The following FAM13A variants were observed in gnomAD, a reference collection of about 807,000 sequenced individuals.
The protein encoded by FAM13A is protein FAM13A.
FAM13A carries 76 observed loss-of-function variants against 129.6 expected under a neutral mutation model. The ratio of observed to expected loss-of-function variants is 0.59; its 90% CI spans 0.49 to 0.71. The LOEUF (loss-of-function observed/expected upper bound fraction) is 0.71, where lower values mean the gene tolerates loss of function less well. FAM13A is among the 30% of genes least tolerant of loss of function. The pLI, the probability that FAM13A is intolerant of heterozygous loss-of-function variation, is 0.00. For synonymous variants in FAM13A, 443 were observed against 449.9 expected (o/e 0.98, Z 0.20); for missense variants, 1,108 against 1,249.3 (o/e 0.89, Z 1.70).
At chr4:88,731,972 C>T in intron 22 of FAM13A, 30 bp downstream of exon 22, 1 of 1,554,776 alleles carries the variant, frequency 6.4e-7, no homozygotes, top group South Asian at 1.2e-5. Context: ...TTTACCAAAA[C>T]ATTTCACCAC....
intron 6 of FAM13A, among the ~76,000 whole-genome samples, chr4:88,873,090 A>G (rs999371854): frequency 2.6e-5 from 4 of 152,234 alleles, no homozygotes; most frequent in South Asian, 2.1e-4. Context: ...TTTGAAACCA[A>G]TGAGAACAAA....
intron 6 of FAM13A, among the ~76,000 whole-genome samples, chr4:88,866,503 A>G (rs1199637492): frequency 6.6e-6 from 1 of 152,136 alleles, no homozygotes; most frequent in Non-Finnish European, 1.5e-5. Context: ...TTTTGCAATC[A>G]TCAAAGGGCC....
At chr4:88,913,333 A>G (rs533486242) in intron 5 of FAM13A, among the ~76,000 whole-genome samples, 1 of 145,628 alleles carries the variant, frequency 6.9e-6, no homozygotes, top group African/African-American at 2.5e-5. Context: ...AGGAGGAAGA[A>G]GAAGAAGAGG....
At chr4:88,791,953 A>G (rs1432016986) in intron 8 of FAM13A, among the ~76,000 whole-genome samples, 3 of 152,084 alleles carry the variant, frequency 2.0e-5, no homozygotes, top group African/African-American at 7.2e-5. Flanking sequence ...TCTTTCGCCC[A>G]AGATAATTTT....
intron 4 of FAM13A, among the ~76,000 whole-genome samples, chr4:88,944,706 C>T (rs1560474237): frequency 6.6e-6 from 1 of 151,900 alleles, no homozygotes; most frequent in Non-Finnish European, 1.5e-5. Flanking sequence ...GTTCGAGACC[C>T]ACCTGGCCAA....
At chr4:88,881,874 A>G (rs377565269) in intron 6 of FAM13A, among the ~76,000 whole-genome samples, 20 of 152,202 alleles carry the variant, frequency 1.3e-4, no homozygotes, top group Admixed American at 1.1e-3. Context: ...AGGTAGAAGA[A>G]GGAATTTCAG....
intron 7 of FAM13A, among the ~76,000 whole-genome samples, chr4:88,848,822 TTTAG>T (rs1737102164): frequency 6.6e-6 from 1 of 152,178 alleles, no homozygotes; most frequent in African/African-American, 2.4e-5. Flanking sequence ...ATCTGACCTA[TTTAG>T]CTTAGTCTCT....
At chr4:89,043,495 C>T (rs1387161767) in intron 1 of FAM13A, among the ~76,000 whole-genome samples, 3 of 152,126 alleles carry the variant, frequency 2.0e-5, no homozygotes, top group African/African-American at 4.8e-5. Context: ...TTACTATACC[C>T]CATAGGAAAC....
chr4:88,770,600 G>GAATAA (rs1720481350), intron 11 of FAM13A, among the ~76,000 whole-genome samples: 1 of 151,784 alleles, frequency 6.6e-6, no homozygotes, highest in African/African-American at 2.4e-5. Flanking sequence ...TATTCAGGAA[G>GAATAA]AATAAGAGTG....
At chr4:88,922,535 G>A (rs1469355698) in intron 5 of FAM13A, among the ~76,000 whole-genome samples, 2 of 151,864 alleles carry the variant, frequency 1.3e-5, no homozygotes, top group Admixed American at 6.6e-5. Context: ...CAGAATCTCT[G>A]GGACACATTC....
At chr4:88,956,701 G>T (rs556639138) in intron 4 of FAM13A, among the ~76,000 whole-genome samples, 4 of 152,026 alleles carry the variant, frequency 2.6e-5, no homozygotes, top group Non-Finnish European at 5.9e-5. Context: ...TCTTAACAGG[G>T]GTCAGGTCCT....
intron 11 of FAM13A, among the ~76,000 whole-genome samples, chr4:88,778,586 T>G (rs1181557704): frequency 6.6e-6 from 1 of 152,160 alleles, no homozygotes; most frequent in Non-Finnish European, 1.5e-5. Context: ...GTTCAAGCCA[T>G]CATCATCTCA....
chr4:89,002,079 T>C (rs1258272254), intron 3 of FAM13A, among the ~76,000 whole-genome samples: 1 of 149,482 alleles, frequency 6.7e-6, no homozygotes, highest in Non-Finnish European at 1.5e-5. Context: ...AATTTCCATT[T>C]AAAGAGACAG....
At chr4:88,901,866 AAAAG>A (rs1220487769) in intron 6 of FAM13A, among the ~76,000 whole-genome samples, 3 of 152,124 alleles carry the variant, frequency 2.0e-5, no homozygotes, top group African/African-American at 7.2e-5. Flanking sequence ...AATAAAGAAT[AAAAG>A]AAAGAAGAAT....
At chr4:88,822,108 T>C (rs925842748) in intron 7 of FAM13A, among the ~76,000 whole-genome samples, 2 of 152,198 alleles carry the variant, frequency 1.3e-5, no homozygotes, top group African/African-American at 2.4e-5. Context: ...AAACCTTCTA[T>C]AGTTTTCCTA....
At chr4:88,744,642 T>C (rs1289582041) in intron 19 of FAM13A, among the ~76,000 whole-genome samples, 3 of 152,220 alleles carry the variant, frequency 2.0e-5, no homozygotes, top group Non-Finnish European at 2.9e-5. Flanking sequence ...GAAGTACATG[T>C]ATTTTTCTTC....
At chr4:88,911,547 C>G (rs1393090023) in intron 5 of FAM13A, among the ~76,000 whole-genome samples, 2 of 152,178 alleles carry the variant, frequency 1.3e-5, no homozygotes, top group South Asian at 2.1e-4. Flanking sequence ...CTAGTCATTG[C>G]CACACCATCA....
intron 7 of FAM13A, among the ~76,000 whole-genome samples, chr4:88,832,225 C>T (rs776586816): frequency 1.3e-5 from 2 of 152,146 alleles, no homozygotes; most frequent in African/African-American, 2.4e-5. Flanking sequence ...ATACCTTATA[C>T]TAAAATTAAC....
Position 88,752,111 on chromosome 4 carries a change from C to T in FAM13A, c.1727-1474G>A, listed in dbSNP as rs367670951. Among the ~76,000 whole-genome samples the T allele has an allele frequency of 1.3e-4, 20 of 152,286 alleles. 1 individual carries two copies. The South Asian group carries it at 2.9e-3, about 22-fold the overall frequency. On this transcript the variant is annotated intron_variant, in intron 14 of 23. Transcript: ENST00000264344. Reference sequence around the variant, plus strand: ...AGGGAAATATAAATGGCTACCAGCACGCAGGCTCCTCATACTATCCAAGTC... The same window carrying T: ...AGGGAAATATAAATGGCTACCAGCATGCAGGCTCCTCATACTATCCAAGTC...
Sources: gnomAD v4.1 joint callset for allele counts (sites outside exome capture counted in the v4.1 genomes callset) on GRCh38, gnomAD v4.1.1 for gene constraint, MANE v1.5 for transcripts, NCBI Gene and HGNC (gene_info 2026-07-23, HGNC 2026-07-21) for gene names.